APLP2: variants seen among roughly 807,000 people sequenced by gnomAD.
APLP2 encodes the protein CDEI box-binding protein.
A neutral mutation model predicts 89.9 loss-of-function variants in APLP2; 53 were observed. The observed-to-expected ratio is 0.59, with a 90% confidence interval of 0.47 to 0.74. The LOEUF (loss-of-function observed/expected upper bound fraction) is 0.74, where lower values mean the gene tolerates loss of function less well. Ranked by LOEUF, APLP2 falls within the 30% of genes least tolerant of loss-of-function variation. The pLI is 0.00. For synonymous variants in APLP2, 372 were observed against 348.6 expected (o/e 1.07, Z -0.75); for missense variants, 973 against 975.9 (o/e 1.00, Z 0.04).
At chr11:130,108,256 A>G (rs149739490) in intron 1 of APLP2, among the ~76,000 whole-genome samples, 232 of 152,376 alleles carry the variant, frequency 1.5e-3, no homozygotes, top group African/African-American at 5.1e-3. Flanking sequence ...AGCAAAAGAA[A>G]CTACCATCAG....
intron 3 of APLP2, among the ~76,000 whole-genome samples, chr11:130,113,912 T>TA (rs1281660274): frequency 2.0e-5 from 3 of 152,214 alleles, no homozygotes; most frequent in Non-Finnish European, 4.4e-5. Flanking sequence ...ATCAATGTGG[T>TA]AAAAAATCTT....
chr11:130,141,768 C>A lies in APLP2; in HGVS notation c.1999-151C>A. ...GATTGGGAAGAGTGGGCGTTCTCCA[C>A]CTGTGGGTGGTTCCCTGCAAAGCAG... On this transcript the variant is annotated intron_variant, in intron 15 of 16. Transcript: ENST00000338167. This position sits in a 1 kb window ranked among gnomAD's most constrained non-coding sequence, Gnocchi z 4.2. The A allele has an allele frequency of 9.9e-7, 1 of 1,005,592 alleles. No individual in the cohort carries two copies. Among genetic ancestry groups the A allele is most frequent in the Non-Finnish European group, 1.5e-6 (1 of 688,236 alleles). 62.3% of individuals were successfully genotyped at this position (1,005,592 alleles called of 1,614,324 possible).
At chr11:130,095,626 G>T (rs1946093414) in intron 1 of APLP2, among the ~76,000 whole-genome samples, 1 of 152,256 alleles carries the variant, frequency 6.6e-6, no homozygotes, top group Admixed American at 6.5e-5. Flanking sequence ...GTGAGCTCTA[G>T]CCTTGTACTG....
At chr11:130,109,646 C>T in intron 2 of APLP2, 44 bp downstream of exon 2, 1 of 1,573,992 alleles carries the variant, frequency 6.4e-7, no homozygotes. Context: ...TTTTCTGGGG[C>T]AGGGTTGAAT....
At chr11:130,094,684 T>C (rs1416179759) in intron 1 of APLP2, among the ~76,000 whole-genome samples, 1 of 152,204 alleles carries the variant, frequency 6.6e-6, no homozygotes. Flanking sequence ...TTGGGATCTG[T>C]CATGTTTGAA....
At chr11:130,074,494 G>A (rs12420396) in intron 1 of APLP2, among the ~76,000 whole-genome samples, 8,950 of 152,252 alleles carry the variant, frequency 0.059, 275 homozygotes, top group Non-Finnish European at 0.073. Flanking sequence ...GATTACAGGC[G>A]TGAGCCTCCA....
At chr11:130,088,007 G>A (rs1409775575) in intron 1 of APLP2, among the ~76,000 whole-genome samples, 1 of 152,188 alleles carries the variant, frequency 6.6e-6, no homozygotes, top group Non-Finnish European at 1.5e-5. Context: ...TAAATACAGA[G>A]CACAGACTCA....
intron 1 of APLP2, among the ~76,000 whole-genome samples, chr11:130,081,131 C>T (rs941232395): frequency 6.6e-6 from 1 of 151,890 alleles, no homozygotes; most frequent in Non-Finnish European, 1.5e-5. Context: ...AGAGTAGATT[C>T]CCCCTTATGT....
intron 3 of APLP2, among the ~76,000 whole-genome samples, chr11:130,112,359 A>G (rs568660337): frequency 6.6e-6 from 1 of 152,304 alleles, no homozygotes; most frequent in East Asian, 1.9e-4. Flanking sequence ...AAATCGCTGA[A>G]AAAGAAATGA....
intron 9 of APLP2, among the ~76,000 whole-genome samples, chr11:130,128,701 A>C (rs150557962): frequency 9.9e-4 from 151 of 152,376 alleles, no homozygotes; most frequent in African/African-American, 3.4e-3. Context: ...TTTGGAAGTT[A>C]GTGCCTTGCT....
chr11:130,110,440 G>A lies in APLP2; in HGVS notation c.280-98G>A, dbSNP rs1221862786. On this transcript the variant is annotated intron_variant, in intron 2 of 16. Coordinates refer to ENST00000338167, the MANE Select transcript of APLP2 (RefSeq NM_001142276.2). Reference sequence around the variant, plus strand: ...GGAACTTTAGATGTATGTAGGATAAGGGTGGAGGCTGAATAAACTTAGACA... The same window carrying A: ...GGAACTTTAGATGTATGTAGGATAAAGGTGGAGGCTGAATAAACTTAGACA... The A allele has an allele frequency of 2.8e-6, 4 of 1,430,976 alleles. No individual in the cohort carries two copies. In the African/African-American group the frequency reaches 4.3e-5, roughly 15 times the overall value. 88.6% of individuals were successfully genotyped at this position (1,430,976 alleles called of 1,614,324 possible). A position where few individuals can be genotyped will look rare whatever the true frequency, so the allele number is the denominator to read the frequency against.
chr11:130,134,033 C>T (rs1406770284), intron 12 of APLP2, among the ~76,000 whole-genome samples: 1 of 152,194 alleles, frequency 6.6e-6, no homozygotes, highest in Non-Finnish European at 1.5e-5. Flanking sequence ...CCGTTTTCCT[C>T]CTTCGTTCTG....
intron 1 of APLP2, among the ~76,000 whole-genome samples, chr11:130,081,111 C>A (rs376291209): frequency 6.6e-6 from 1 of 151,964 alleles, no homozygotes; most frequent in Admixed American, 6.6e-5. Context: ...CAAACCCCCC[C>A]AAAAACAAAA....
In APLP2 at chr11:130,130,155, A is replaced by G. The variant is rs778924813; in HGVS notation, c.1573A>G (p.Met525Val). 6.2e-7 allele frequency: 1 copy of G among 1,614,224 alleles called. No individual in the cohort carries two copies. Among genetic ancestry groups the G allele is most frequent in the Non-Finnish European group, 8.5e-7 (1 of 1,180,028 alleles). ...LAVDPEKAAQ[M>V]KSQVMTHLHV... Reference sequence around the variant, plus strand: ...TGTTGACCCAGAAAAGGCGGCCCAGATGAAATCCCAGGTACAGTAGATGTA... The same window carrying G: ...TGTTGACCCAGAAAAGGCGGCCCAGGTGAAATCCCAGGTACAGTAGATGTA... The change falls in exon 11 of 17, where the codon ATG becomes GTG. Residue 525 changes from methionine to valine, a missense_variant. Physicochemically the swap from Met to Val is conservative, Grantham distance 21. Coordinates refer to ENST00000338167, the MANE Select transcript of APLP2 (RefSeq NM_001142276.2).
chr11:130,078,190 T>G (rs1196411402), intron 1 of APLP2, among the ~76,000 whole-genome samples: 2 of 151,522 alleles, frequency 1.3e-5, no homozygotes, highest in African/African-American at 4.8e-5. Flanking sequence ...TAGCTTCATA[T>G]AAGTGGAATC....
intron 3 of APLP2, among the ~76,000 whole-genome samples, chr11:130,120,456 G>A (rs901017764): frequency 6.6e-6 from 1 of 152,186 alleles, no homozygotes; most frequent in Non-Finnish European, 1.5e-5. Flanking sequence ...CTGTAGCCCT[G>A]CAGTGGGACT....
chr11:130,071,521 G>A (rs560477813), intron 1 of APLP2, among the ~76,000 whole-genome samples: 2 of 152,288 alleles, frequency 1.3e-5, no homozygotes, highest in African/African-American at 4.8e-5. Context: ...AAAAATAAAG[G>A]CTTTCGTATG....
In APLP2 at chr11:130,070,827, C is replaced by T. The variant is rs1198215066; in HGVS notation, c.105+745C>T. On this transcript the variant is annotated intron_variant, in intron 1 of 16. Coordinates refer to ENST00000338167, the MANE Select transcript of APLP2 (RefSeq NM_001142276.2). ...GCGTGTAAACTGTTGGAAAAATCGT[C>T]CTCTTCGGGTGTCAGAATTCCATCA... 44 of 1,210,216 alleles carry T rather than the reference C, an allele frequency of 3.6e-5. 1 individual carries two copies. The highest frequency in any genetic ancestry group is 1.1e-4 in the African/African-American group (7 of 63,654). The allele number at this position is 1,210,216 out of a possible 1,614,324, so 75.0% of individuals were successfully genotyped here. A position where few individuals can be genotyped will look rare whatever the true frequency, so the allele number is the denominator to read the frequency against.
At chr11:130,094,788 CAAAG>C (rs1027521741) in intron 1 of APLP2, among the ~76,000 whole-genome samples, 3 of 152,040 alleles carry the variant, frequency 2.0e-5, no homozygotes, top group Non-Finnish European at 2.9e-5. Context: ...GAGTCAAAAC[CAAAG>C]AAAGGGGAAG....
Sources: gnomAD v4.1 joint callset for allele counts (sites outside exome capture counted in the v4.1 genomes callset) on GRCh38, gnomAD v4.1.1 for gene constraint, Gnocchi (gnomAD v3.1) non-coding constraint, MANE v1.5 for transcripts, NCBI Gene and HGNC (gene_info 2026-07-23, HGNC 2026-07-21) for gene names.